The following TBCEL variants were observed in gnomAD, a reference collection of about 807,000 sequenced individuals.
TBCEL encodes tubulin-specific chaperone cofactor E-like protein.
Under a neutral mutation model 44.2 loss-of-function variants are expected in TBCEL, and 15 were observed. That is an observed-to-expected ratio of 0.34 (90% CI 0.23 to 0.52). The LOEUF (loss-of-function observed/expected upper bound fraction) is 0.52. Among genes scored for constraint, TBCEL ranks in the 20% least tolerant of loss-of-function variants. TBCEL has a pLI of 0.95. For missense variants in TBCEL, 319 were observed against 506.3 expected, an observed-to-expected ratio of 0.63 and a Z score of 3.55; for synonymous variants, 171 against 185.4, an observed-to-expected ratio of 0.92 and a Z score of 0.63.
chr11:121,053,416 G>A (rs1034429593), intron 4 of TBCEL, 135 bp from the exon 5 acceptor site: 28 of 717,798 alleles, frequency 3.9e-5, no homozygotes, highest in Middle Eastern at 3.9e-4. Context: ...TGTGAGTACC[G>A]TCACTAAATA....
At chr11:121,049,430 G>A (rs560030125) in intron 4 of TBCEL, among the ~76,000 whole-genome samples, 14 of 151,774 alleles carry the variant, frequency 9.2e-5, no homozygotes, top group African/African-American at 2.7e-4. Flanking sequence ...AACTGTGTTC[G>A]TGGTTATATT....
At chr11:121,026,313 T>C (rs1183888018) in intron 1 of TBCEL, among the ~76,000 whole-genome samples, 1 of 152,228 alleles carries the variant, frequency 6.6e-6, no homozygotes, top group African/African-American at 2.4e-5. Flanking sequence ...TAATAAACAT[T>C]AATGACTGTT....
At chr11:121,063,156 A>T (rs775594838) in intron 8 of TBCEL, among the ~76,000 whole-genome samples, 1 of 152,128 alleles carries the variant, frequency 6.6e-6, no homozygotes, top group African/African-American at 2.4e-5. Flanking sequence ...ACATGTATTC[A>T]TACCCCATCT....
intron 4 of TBCEL, among the ~76,000 whole-genome samples, 196 bp from the exon 5 acceptor site, chr11:121,053,355 T>C (rs7118109): frequency 0.027 from 4,076 of 151,986 alleles, 144 homozygotes; most frequent in African/African-American, 0.078. Context: ...CACTATTTCA[T>C]TGAAAGATTA....
At position 121,090,650 on chromosome 11, in the gene TBCEL, A is replaced by AAT. The variant is rs1293641044; in HGVS notation, c.*3562_*3563dup. The AAT allele has an allele frequency of 2.0e-5, 3 of 150,094 alleles. No homozygotes were observed. Among genetic ancestry groups the AAT allele is most frequent in the Non-Finnish European group, 4.4e-5 (3 of 67,646 alleles). 9.3% of individuals were successfully genotyped at this position (150,094 alleles called of 1,614,324 possible). A position where few individuals can be genotyped will look rare whatever the true frequency, so the allele number is the denominator to read the frequency against. On this transcript the variant is annotated 3_prime_UTR_variant, in exon 9 of 9. Transcript: ENST00000683345. ...CCAGTTGTCTCCCGCAGTTAATGGAAATATATATACATATATATATATATT... is the reference window on the plus strand; with the variant it reads ...CCAGTTGTCTCCCGCAGTTAATGGAAATATATATATACATATATATATATATT...
intron 4 of TBCEL, among the ~76,000 whole-genome samples, chr11:121,052,437 T>C (rs1945545239): frequency 6.6e-6 from 1 of 151,860 alleles, no homozygotes; most frequent in Non-Finnish European, 1.5e-5. Flanking sequence ...AAGTCACTTG[T>C]CTGAAATCAC....
At chr11:121,079,031 G>C (rs1442295878) in intron 8 of TBCEL, among the ~76,000 whole-genome samples, 1 of 152,128 alleles carries the variant, frequency 6.6e-6, no homozygotes, top group Non-Finnish European at 1.5e-5. Context: ...ATTTTTGATA[G>C]CACTTGAATT....
intron 1 of TBCEL, among the ~76,000 whole-genome samples, chr11:121,034,048 A>G (rs916800987): frequency 5.9e-5 from 9 of 152,260 alleles, no homozygotes; most frequent in African/African-American, 1.7e-4. Context: ...ACTATTGTAA[A>G]TAATACTACT....
intron 7 of TBCEL, among the ~76,000 whole-genome samples, chr11:121,059,346 A>G (rs913796270): frequency 1.3e-5 from 2 of 151,956 alleles, no homozygotes; most frequent in Middle Eastern, 3.2e-3. Context: ...TGCAAATATA[A>G]TAAGTTAATT....
rs372691046 is a variant in TBCEL, at chr11:121,044,292, C to T, written c.-17-1382C>T. Among the ~76,000 whole-genome samples the T allele has an allele frequency of 9.9e-5, 15 of 152,194 alleles. No homozygotes were observed. In the East Asian group the frequency reaches 2.5e-3, roughly 26 times the overall value. ...TCAGGATGAGTTTTCCCTAAAACTT[C>T]GTTGTTGTATTCCCTTCCTTAAAAC... On this transcript the variant is annotated intron_variant, in intron 2 of 8. Transcript: ENST00000683345.
intron 1 of TBCEL, among the ~76,000 whole-genome samples, chr11:121,034,509 T>C (rs1407350563): frequency 6.6e-6 from 1 of 152,188 alleles, no homozygotes; most frequent in African/African-American, 2.4e-5. Flanking sequence ...TTTCAGAGTT[T>C]ATTAGTCAAT....
At chr11:121,068,781 G>A (rs956698177) in intron 8 of TBCEL, among the ~76,000 whole-genome samples, 1 of 151,866 alleles carries the variant, frequency 6.6e-6, no homozygotes, top group African/African-American at 2.4e-5. Context: ...CAGCTACTCT[G>A]GAGGCTGAGG....
rs138012033 is a variant in TBCEL at position 121,050,284 on chromosome 11, G to A, written c.273+2617G>A. Among the ~76,000 whole-genome samples the A allele has an allele frequency of 1.8e-4, 28 of 151,806 alleles. No individual in the cohort carries two copies. In the East Asian group the frequency reaches 4.9e-3, roughly 26 times the overall value. Reference sequence around the variant, plus strand: ...TTACCAAAAAGATAATTTGTCCTTAGCTATTAACGGAATTTATTTCAGCCA... The same window carrying A: ...TTACCAAAAAGATAATTTGTCCTTAACTATTAACGGAATTTATTTCAGCCA... On this transcript the variant is annotated intron_variant, in intron 4 of 8. Transcript: ENST00000683345.
chr11:121,047,649 A>T lies in TBCEL; in HGVS notation c.255A>T (p.Lys85Asn), dbSNP rs771205640. 1 of 1,612,486 alleles carries T rather than the reference A, an allele frequency of 6.2e-7. No individual in the cohort carries two copies. Among genetic ancestry groups the T allele is most frequent in the African/African-American group, 1.3e-5 (1 of 74,910 alleles). Residue 85 changes from lysine to asparagine, a missense_variant, in exon 4 of 9, where the codon AAA becomes AAT. Coordinates refer to ENST00000683345, the MANE Select transcript of TBCEL (RefSeq NM_001363644.2). The part of the protein sequence containing the change: ...HVSELDLSDN[K>N]LEDWHEVSKI... ...CGGAACTAGATCTTTCTGACAACAA[A>T]CTCGAAGACTGGCATGAGGTGAAGT...
rs1218737439 is a variant in TBCEL, at chr11:121,058,295, T to C, written c.713-50T>C. ...TAATATTTTTGCTATGTTTCTCTTC[T>C]TATTTATGTGCATCTCTGGATTTAC... On this transcript the variant is annotated intron_variant, in intron 6 of 8. Coordinates refer to ENST00000683345, the MANE Select transcript of TBCEL (RefSeq NM_001363644.2). 3.8e-6 allele frequency: 6 copies of C among 1,593,198 alleles called. No individual in the cohort carries two copies. The Admixed American group carries it at 1.0e-4, about 28-fold the overall frequency.
intron 4 of TBCEL, 149 bp from the exon 5 acceptor site, chr11:121,053,402 C>T: frequency 3.0e-6 from 2 of 660,378 alleles, no homozygotes; most frequent in Non-Finnish European, 2.6e-6. Flanking sequence ...CACTTATGTC[C>T]CTCTGTGAGT....
At chr11:121,026,100 C>A (rs1235773606) in intron 1 of TBCEL, among the ~76,000 whole-genome samples, 1 of 152,136 alleles carries the variant, frequency 6.6e-6, no homozygotes, top group African/African-American at 2.4e-5. Context: ...TTATGATATA[C>A]TTTTTGCTAC....
Position 121,060,030 on chromosome 11 carries a change from G to C in TBCEL, c.901G>C (p.Glu301Gln). 6.2e-7 allele frequency: 1 copy of C among 1,611,742 alleles called. No individual in the cohort carries two copies. The highest frequency in any genetic ancestry group is 8.5e-7 in the Non-Finnish European group (1 of 1,178,578). ...VVTDGEREDS[E>Q]RFFIRYYVDV... ...TACTGATGGTGAACGAGAAGATTCT[G>C]AGAGATTTTTTATTCGTTACTATGT... Residue 301 changes from glutamate (E) to glutamine (Q), a missense_variant, in exon 8 of 9, where the codon GAG becomes CAG. Transcript: ENST00000683345.
chr11:121,043,940 A>G (rs1330288550), intron 2 of TBCEL, among the ~76,000 whole-genome samples: 2 of 152,052 alleles, frequency 1.3e-5, no homozygotes, highest in African/African-American at 2.4e-5. Context: ...TTCAAATTGA[A>G]CACGTATAAA....
Sources: gnomAD v4.1 joint callset for allele counts (sites outside exome capture counted in the v4.1 genomes callset) on GRCh38, gnomAD v4.1.1 for gene constraint, MANE v1.5 for transcripts, NCBI Gene and HGNC (gene_info 2026-07-23, HGNC 2026-07-21) for gene names.